The following CSMD1 variants were observed in gnomAD, a reference collection of about 807,000 sequenced individuals.
CSMD1 encodes CUB and Sushi multiple domains 1.
A neutral mutation model predicts 417.5 loss-of-function variants in CSMD1; 213 were observed. That is an observed-to-expected ratio of 0.51 (90% CI 0.46 to 0.57). The LOEUF (loss-of-function observed/expected upper bound fraction) is 0.57, where lower values mean the gene tolerates loss of function less well. Among genes scored for constraint, CSMD1 ranks in the 20% least tolerant of loss-of-function variants. The pLI is 0.00. For synonymous variants in CSMD1, 2,862 were observed against 1,736.8 expected (o/e 1.65, Z -16.11); for missense variants, 6,923 against 4,529.7 (o/e 1.53, Z -15.17).
At chr8:3,640,793 G>C (rs762072165) in intron 7 of CSMD1, among the ~76,000 whole-genome samples, 14 of 152,078 alleles carry the variant, frequency 9.2e-5, no homozygotes, top group Non-Finnish European at 1.3e-4. Context: ...GGAAGAGACG[G>C]CCTCACAGAG....
At chr8:4,382,004 A>G (rs1384544073) in intron 3 of CSMD1, among the ~76,000 whole-genome samples, 1 of 152,152 alleles carries the variant, frequency 6.6e-6, no homozygotes, top group African/African-American at 2.4e-5. Flanking sequence ...AGATCCCTGA[A>G]AAAGGAAATG....
chr8:3,571,949 T>C (rs1367802452), intron 10 of CSMD1, among the ~76,000 whole-genome samples: 1 of 152,138 alleles, frequency 6.6e-6, no homozygotes, highest in Non-Finnish European at 1.5e-5. Flanking sequence ...GTGTTCAAGT[T>C]CGTCTCCTCG....
At chr8:4,306,002 GCAA>G (rs1341313117) in intron 3 of CSMD1, among the ~76,000 whole-genome samples, 3 of 152,118 alleles carry the variant, frequency 2.0e-5, no homozygotes, top group Non-Finnish European at 4.4e-5. Context: ...TAATGGTTGT[GCAA>G]TATTATACTC....
At chr8:3,418,535 A>C (rs1324490802) in intron 12 of CSMD1, among the ~76,000 whole-genome samples, 2 of 152,114 alleles carry the variant, frequency 1.3e-5, no homozygotes, top group Non-Finnish European at 2.9e-5. Flanking sequence ...GGTCCCGCTG[A>C]TCTAGTAACC....
chr8:4,259,439 G>A (rs1803718906), intron 3 of CSMD1, among the ~76,000 whole-genome samples: 1 of 151,948 alleles, frequency 6.6e-6, no homozygotes, highest in African/African-American at 2.4e-5. Context: ...ACCCATCCCA[G>A]CGCTATGAAA....
chr8:4,542,973 A>G, intron 2 of CSMD1, among the ~76,000 whole-genome samples: 1 of 152,178 alleles, frequency 6.6e-6, no homozygotes, highest in Non-Finnish European at 1.5e-5. Flanking sequence ...TGCAATTTAT[A>G]ACCAGTGTTT....
At chr8:3,347,937 T>C (rs1371491062) in intron 22 of CSMD1, 55 bp downstream of exon 22, 1 of 1,245,218 alleles carries the variant, frequency 8.0e-7, no homozygotes, top group Non-Finnish European at 1.1e-6. Context: ...AGATAGACAA[T>C]GTATTTTTTG....
rs1304551195 is a variant in CSMD1 at position 3,214,558 on chromosome 8, G to T, written c.4806C>A (p.Ile1602=). The T allele has an allele frequency of 1.3e-6, 2 of 1,593,464 alleles. No individual in the cohort carries two copies. The highest frequency in any genetic ancestry group is 3.5e-5 in the Admixed American group (2 of 56,952). The change falls in exon 30 of 70, where the codon ATC becomes ATA. Residue 1602 remains isoleucine, a synonymous_variant. Transcript: ENST00000635120. Reference sequence around the variant, plus strand: ...TCCCATCAGCCCCAATCACACAGGTGATGGATGAGGGGTCAAGAATCTTAT... The same window carrying T: ...TCCCATCAGCCCCAATCACACAGGTTATGGATGAGGGGTCAAGAATCTTAT... The part of the protein sequence containing the change: ...SGYKILDPSS[I]TCVIGADGKP...
At chr8:3,784,601 C>T (rs1032066613) in intron 5 of CSMD1, among the ~76,000 whole-genome samples, 4 of 152,212 alleles carry the variant, frequency 2.6e-5, no homozygotes, top group Admixed American at 1.3e-4. Flanking sequence ...TCAATATATG[C>T]TTTAGCAAAG....
intron 2 of CSMD1, among the ~76,000 whole-genome samples, chr8:4,579,400 C>G (rs1799305194): frequency 6.6e-6 from 1 of 151,914 alleles, no homozygotes; most frequent in Non-Finnish European, 1.5e-5. Context: ...CTCTCATCCT[C>G]CAGGCTGGTG....
At chr8:4,499,472 C>A (rs1432013251) in intron 2 of CSMD1, among the ~76,000 whole-genome samples, 1 of 152,176 alleles carries the variant, frequency 6.6e-6, no homozygotes, top group Admixed American at 6.5e-5. Flanking sequence ...TTCTGAAGGT[C>A]CTGCTTGGTA....
At chr8:3,278,639 T>C (rs1257696756) in intron 26 of CSMD1, 1 of 128,522 alleles carries the variant, frequency 7.8e-6, no homozygotes, top group Non-Finnish European at 1.7e-5. Context: ...ATCTAATTTA[T>C]AGGTAAAGTT....
intron 5 of CSMD1, among the ~76,000 whole-genome samples, chr8:3,955,957 C>T (rs1811915668): frequency 6.6e-6 from 1 of 152,150 alleles, no homozygotes; most frequent in Admixed American, 6.5e-5. Flanking sequence ...CCACGCCCAA[C>T]TAATTGTTTG....
chr8:4,172,002 C>G (rs1563219891), intron 3 of CSMD1, among the ~76,000 whole-genome samples: 1 of 152,026 alleles, frequency 6.6e-6, no homozygotes, highest in Admixed American at 6.6e-5. Flanking sequence ...CGGTTTAATA[C>G]CACCAAAGCA....
intron 3 of CSMD1, among the ~76,000 whole-genome samples, chr8:4,395,420 A>T (rs570035420): frequency 1.7e-4 from 24 of 140,558 alleles, no homozygotes; most frequent in Non-Finnish European, 2.7e-4. Context: ...AAAGAATCAT[A>T]AAAAAAACAA....
chr8:4,190,190 T>A (rs1327882296), intron 3 of CSMD1, among the ~76,000 whole-genome samples: 2 of 134,626 alleles, frequency 1.5e-5, no homozygotes, highest in Non-Finnish European at 3.0e-5. Context: ...ACCTGGGAGG[T>A]GGAGCTTGCA....
In CSMD1 at chr8:4,228,127, A is replaced by G. The variant is rs916627648; in HGVS notation, c.415+191826T>C. On this transcript the variant is annotated intron_variant, in intron 3 of 69. Coordinates refer to ENST00000635120, the MANE Select transcript of CSMD1 (RefSeq NM_033225.6). Reference sequence around the variant, plus strand: ...TTCATTCAACCCCGTAACAGGAGACATACCCTCCATCCTGCATTAAATGCC... The same window carrying G: ...TTCATTCAACCCCGTAACAGGAGACGTACCCTCCATCCTGCATTAAATGCC... 2.6e-5 allele frequency among the ~76,000 whole-genome samples: 4 copies of G among 152,158 alleles called. No homozygotes were observed. In the East Asian group the frequency reaches 7.7e-4, roughly 29 times the overall value.
intron 7 of CSMD1, among the ~76,000 whole-genome samples, chr8:3,652,670 T>A (rs187740444): frequency 1.4e-4 from 22 of 152,166 alleles, no homozygotes; most frequent in Admixed American, 8.5e-4. Context: ...TTCACTACCA[T>A]AGGAACAGTA....
intron 3 of CSMD1, among the ~76,000 whole-genome samples, chr8:4,126,765 T>G (rs1217183478): frequency 6.6e-6 from 1 of 152,212 alleles, no homozygotes; most frequent in Non-Finnish European, 1.5e-5. Context: ...TACAACTCTT[T>G]TCTCATAGAA....
Sources: gnomAD v4.1 joint callset for allele counts (sites outside exome capture counted in the v4.1 genomes callset) on GRCh38, gnomAD v4.1.1 for gene constraint, MANE v1.5 for transcripts, NCBI Gene and HGNC (gene_info 2026-07-23, HGNC 2026-07-21) for gene names.